NMUR2: variants seen among roughly 807,000 people sequenced by gnomAD.
NMUR2 encodes the protein neuromedin-U receptor 2.
A neutral mutation model predicts 25.1 loss-of-function variants in NMUR2; 24 were observed. The observed-to-expected ratio is 0.96, with a 90% CI of 0.69 to 1.34. NMUR2 has a LOEUF of 1.34. Among genes scored for constraint, NMUR2 ranks in the 40% most tolerant of loss-of-function variants. The pLI is 0.00. For synonymous variants in NMUR2, 218 were observed against 208.1 expected (o/e 1.05, Z -0.41); for missense variants, 533 against 512.8 (o/e 1.04, Z -0.38).
intron 1 of NMUR2, among the ~76,000 whole-genome samples, chr5:152,401,945 T>C (rs1753261573): frequency 1.3e-5 from 2 of 152,142 alleles, no homozygotes; most frequent in Non-Finnish European, 2.9e-5. Flanking sequence ...ATCATTAGGA[T>C]TGCTTGGGTC....
chr5:152,399,427 G>C (rs1306031171), intron 1 of NMUR2, among the ~76,000 whole-genome samples: 5 of 152,100 alleles, frequency 3.3e-5, no homozygotes, highest in Non-Finnish European at 7.4e-5. Flanking sequence ...ATTGAATAAT[G>C]CAGACCAATG....
intron 2 of NMUR2, among the ~76,000 whole-genome samples, chr5:152,397,208 T>C (rs1580887986): frequency 6.6e-6 from 1 of 152,094 alleles, no homozygotes; most frequent in South Asian, 2.1e-4. Context: ...AAATGCTGTA[T>C]AGTTACAGTG....
rs750716485 is a variant in NMUR2 at position 152,404,850 on chromosome 5, C to T, written c.264G>A (p.Ala88=). ...TPTNYYLFSL[A]VSDLLVLLLG... is the part of the protein sequence containing the mutation. ...GGAGCAGGACCAGGAGGTCAGAGACCGCCAGGCTGAAGAGGTAGTAGTTGG... is the reference window on the plus strand; with the variant it reads ...GGAGCAGGACCAGGAGGTCAGAGACTGCCAGGCTGAAGAGGTAGTAGTTGG... Residue 88 remains alanine (A), a synonymous_variant, in exon 1 of 4, where the codon GCG becomes GCA. Coordinates refer to ENST00000255262, the MANE Select transcript of NMUR2 (RefSeq NM_020167.5). 4 of 1,614,014 alleles carry T rather than the reference C, an allele frequency of 2.5e-6. No homozygotes were observed. In the South Asian group the frequency reaches 3.3e-5, roughly 13 times the overall value.
intron 1 of NMUR2, among the ~76,000 whole-genome samples, chr5:152,403,210 AC>A (rs906762088): frequency 9.9e-5 from 15 of 152,128 alleles, no homozygotes; most frequent in African/African-American, 3.4e-4. Context: ...ATCTGATGTG[AC>A]CTTTTCATTT....
intron 1 of NMUR2, among the ~76,000 whole-genome samples, chr5:152,399,642 G>T (rs1753220995): frequency 6.6e-6 from 1 of 152,094 alleles, no homozygotes. Flanking sequence ...GAAAAAAAGA[G>T]CAAAGAAACA....
At chr5:152,399,603 T>A (rs1356069223) in intron 1 of NMUR2, among the ~76,000 whole-genome samples, 2 of 152,142 alleles carry the variant, frequency 1.3e-5, no homozygotes, top group Admixed American at 1.3e-4. Context: ...GATGACTGTG[T>A]GCAGTTTGAG....
intron 2 of NMUR2, among the ~76,000 whole-genome samples, 180 bp from the exon 3 acceptor site, chr5:152,395,764 G>T (rs3763130): frequency 0.15 from 21,740 of 149,732 alleles, 2,061 homozygotes; most frequent in Admixed American, 0.24. Flanking sequence ...TAAAACACAA[G>T]AATGAATTGT....
Position 152,392,028 on chromosome 5 carries a change from C to T in NMUR2, c.*163G>A. 1 of 612,616 alleles carries T rather than the reference C, an allele frequency of 1.6e-6. No homozygotes were observed. Among genetic ancestry groups the T allele is most frequent in the South Asian group, 2.2e-5 (1 of 44,552 alleles). The allele number at this position is 612,616 out of a possible 1,614,324, so 37.9% of individuals were successfully genotyped here. A position where few individuals can be genotyped will look rare whatever the true frequency, so the allele number is the denominator to read the frequency against. ...GCAGTCTTGGGTTTTGAAACCAGAT[C>T]TAACTCTCAGTTTTCACGTTTATTA... On this transcript the variant is annotated 3_prime_UTR_variant, in exon 4 of 4. Transcript: ENST00000255262.
chr5:152,405,168 A>T lies in NMUR2; in HGVS notation c.-55T>A. ...ACGAGGCTCTGTTTCAAGCTGAGCC[A>T]GGAAAAAAAAAAAAAAAAGAAAAAA... On this transcript the variant is annotated 5_prime_UTR_variant, in exon 1 of 4. Transcript: ENST00000255262. 7.3e-7 allele frequency: 1 copy of T among 1,362,074 alleles called. No individual in the cohort carries two copies. Among genetic ancestry groups the T allele is most frequent in the Non-Finnish European group, 9.7e-7 (1 of 1,029,612 alleles). The allele number at this position is 1,362,074 out of a possible 1,614,324, so 84.4% of individuals were successfully genotyped here.
At position 152,391,967 on chromosome 5, in the gene NMUR2, G is replaced by A. The variant is rs775190198; in HGVS notation, c.*224C>T. The stretch of plus-strand genomic sequence containing the variant: ...GGCATGAACTAGTGAAGGGGCATGA[G>A]GCAGTTAGGATAGTGGAAAGATAAC... On this transcript the variant is annotated 3_prime_UTR_variant, in exon 4 of 4. Coordinates refer to ENST00000255262, the MANE Select transcript of NMUR2 (RefSeq NM_020167.5). The A allele has an allele frequency of 2.8e-5, 13 of 465,214 alleles. No individual in the cohort carries two copies. Among genetic ancestry groups the A allele is most frequent in the Non-Finnish European group, 4.6e-5 (12 of 261,616 alleles). 28.8% of individuals were successfully genotyped at this position (465,214 alleles called of 1,614,324 possible). A position where few individuals can be genotyped will look rare whatever the true frequency, so the allele number is the denominator to read the frequency against.
chr5:152,403,011 T>C (rs1753284578), intron 1 of NMUR2, among the ~76,000 whole-genome samples: 1 of 152,252 alleles, frequency 6.6e-6, no homozygotes, highest in Admixed American at 6.5e-5. Flanking sequence ...TTCTCAGAGA[T>C]GGACTGAAAT....
chr5:152,403,703 T>C (rs1474105284), intron 1 of NMUR2, among the ~76,000 whole-genome samples: 2 of 147,678 alleles, frequency 1.4e-5, no homozygotes, highest in East Asian at 1.9e-4. Context: ...TATATATGAT[T>C]ATATATTATA....
Position 152,392,027 on chromosome 5 carries a change from TCTAA to T in NMUR2, c.*160_*163del. On this transcript the variant is annotated 3_prime_UTR_variant, in exon 4 of 4. Transcript: ENST00000255262. ...GGCAGTCTTGGGTTTTGAAACCAGATCTAACTCTCAGTTTTCACGTTTATTAAAA... is the reference window on the plus strand; with the variant it reads ...GGCAGTCTTGGGTTTTGAAACCAGATCTCTCAGTTTTCACGTTTATTAAAA... The T allele has an allele frequency of 1.6e-6, 1 of 611,584 alleles. No individual in the cohort carries two copies. The highest frequency in any genetic ancestry group is 2.8e-6 in the Non-Finnish European group (1 of 356,702). 37.9% of individuals were successfully genotyped at this position (611,584 alleles called of 1,614,324 possible). A position where few individuals can be genotyped will look rare whatever the true frequency, so the allele number is the denominator to read the frequency against.
At chr5:152,400,768 A>C (rs1753237771) in intron 1 of NMUR2, among the ~76,000 whole-genome samples, 1 of 152,230 alleles carries the variant, frequency 6.6e-6, no homozygotes, top group Non-Finnish European at 1.5e-5. Flanking sequence ...AACAATAAAA[A>C]ATATTGAGAT....
Position 152,392,185 on chromosome 5 carries a change from A to G in NMUR2, c.*6T>C, listed in dbSNP as rs779686196. 3.6e-5 allele frequency: 58 copies of G among 1,605,114 alleles called. No individual in the cohort carries two copies. The Middle Eastern group carries it at 6.8e-4, about 19-fold the overall frequency. On this transcript the variant is annotated 3_prime_UTR_variant, in exon 4 of 4. Transcript: ENST00000255262. Reference sequence around the variant, plus strand: ...AGGCATAGAGGAGAGTCAGCTCTGAAAGAATTCAGGTTTTGTTAAAGTGGA... The same window carrying G: ...AGGCATAGAGGAGAGTCAGCTCTGAGAGAATTCAGGTTTTGTTAAAGTGGA...
chr5:152,391,894 T>A lies in NMUR2; in HGVS notation c.*297A>T, dbSNP rs1442373402. On this transcript the variant is annotated 3_prime_UTR_variant, in exon 4 of 4. Transcript: ENST00000255262. ...ACTCAGGACGAACCATTTCCATTAATGGAAATTAATCAAGGTATAGGTGCC... is the reference window on the plus strand; with the variant it reads ...ACTCAGGACGAACCATTTCCATTAAAGGAAATTAATCAAGGTATAGGTGCC... The A allele has an allele frequency of 3.9e-6, 1 of 259,400 alleles. No individual in the cohort carries two copies. 16.1% of individuals were successfully genotyped at this position (259,400 alleles called of 1,614,324 possible). A position where few individuals can be genotyped will look rare whatever the true frequency, so the allele number is the denominator to read the frequency against.
chr5:152,395,359 C>T, intron 3 of NMUR2, 100 bp downstream of exon 3: 4 of 1,326,482 alleles, frequency 3.0e-6, no homozygotes, highest in Non-Finnish European at 4.2e-6. Context: ...CATGGCAGAT[C>T]CCCGTGATAA....
At position 152,392,521 on chromosome 5, in the gene NMUR2, A is replaced by C. The variant is rs763554236; in HGVS notation, c.938-20T>G. 1 of 1,593,802 alleles carries C rather than the reference A, an allele frequency of 6.3e-7. No homozygotes were observed. The highest frequency in any genetic ancestry group is 8.6e-7 in the Non-Finnish European group (1 of 1,165,764). On this transcript the variant is annotated intron_variant, in intron 3 of 3. Coordinates refer to ENST00000255262, the MANE Select transcript of NMUR2 (RefSeq NM_020167.5). ...AGACACCTGGAATGCAGGGGATTTA[A>C]AAAGATGTGCTGAGAAGAACTTAAG...
chr5:152,394,836 AC>A (rs1580886487), intron 3 of NMUR2, among the ~76,000 whole-genome samples: 1 of 135,910 alleles, frequency 7.4e-6, no homozygotes, highest in African/African-American at 2.7e-5. Context: ...TGGTTTGTGT[AC>A]AGGAGGCTTT....
Sources: allele counts gnomAD v4.1 joint callset (sites outside exome capture counted in the v4.1 genomes callset), GRCh38; gene constraint gnomAD v4.1.1; transcripts MANE v1.5; gene names NCBI Gene and HGNC (gene_info 2026-07-23, HGNC 2026-07-21).